Variants in FAF1 observed in about 807,000 individuals in gnomAD.
The protein encoded by FAF1 is Fas associated factor 1, also known as FAS-associated factor 1.
FAF1 carries 25 observed loss-of-function variants against 92.5 expected under a neutral mutation model. The observed-to-expected ratio is 0.27, with a 90% CI of 0.20 to 0.38. FAF1 has a LOEUF of 0.38. Ranked by LOEUF, FAF1 falls within the 10% of genes least tolerant of loss-of-function variation. The pLI is 1.00. For synonymous variants in FAF1, 234 were observed against 273.2 expected (o/e 0.86, Z 1.42); for missense variants, 636 against 793.3 (o/e 0.80, Z 2.38).
At chr1:50,928,878 G>A (rs1645027094) in intron 1 of FAF1, among the ~76,000 whole-genome samples, 1 of 151,498 alleles carries the variant, frequency 6.6e-6, no homozygotes, top group South Asian at 2.1e-4. Context: ...GAGCTCAGGG[G>A]ATCGAGACCA....
chr1:50,636,829 T>C (rs1433738530), intron 8 of FAF1, among the ~76,000 whole-genome samples: 3 of 152,186 alleles, frequency 2.0e-5, no homozygotes, highest in Admixed American at 6.5e-5. Flanking sequence ...GTTGTAGCTT[T>C]TGCATTTAAG....
chr1:50,842,275 TAAGGGAGGTAGGTAGATACCAAGAAA>T (rs1034623419), intron 2 of FAF1, among the ~76,000 whole-genome samples: 11 of 152,162 alleles, frequency 7.2e-5, no homozygotes, highest in African/African-American at 2.6e-4. Context: ...CCAAATGGTG[TAAGGGAGGTAGGTAGATACCAAGAAA>T]AAGAGTCAAG....
At chr1:50,679,451 A>G (rs1656328235) in intron 7 of FAF1, among the ~76,000 whole-genome samples, 1 of 152,052 alleles carries the variant, frequency 6.6e-6, no homozygotes, top group South Asian at 2.1e-4. Context: ...CAGATGAAAA[A>G]AAAAAAAAAG....
chr1:50,539,546 A>G (rs767439293), intron 14 of FAF1, 46 bp downstream of exon 14: 115 of 1,451,682 alleles, frequency 7.9e-5, no homozygotes, highest in Non-Finnish European at 1.0e-4. Flanking sequence ...CTATAAAGTT[A>G]TCACATACCA....
At chr1:50,675,081 G>C (rs1656061282) in intron 7 of FAF1, among the ~76,000 whole-genome samples, 1 of 152,138 alleles carries the variant, frequency 6.6e-6, no homozygotes, top group African/African-American at 2.4e-5. Flanking sequence ...AGTAGAGACA[G>C]GGTTTCGCCA....
chr1:50,445,231 C>T (rs905755762), intron 18 of FAF1, among the ~76,000 whole-genome samples: 3 of 152,098 alleles, frequency 2.0e-5, no homozygotes, highest in East Asian at 1.9e-4. Context: ...ATCCCTCATC[C>T]CCTGCAACCT....
At chr1:50,900,654 T>C (rs953722919) in intron 1 of FAF1, among the ~76,000 whole-genome samples, 1 of 152,176 alleles carries the variant, frequency 6.6e-6, no homozygotes, top group Non-Finnish European at 1.5e-5. Flanking sequence ...TGAGATAAAT[T>C]AAGCAACAAG....
intron 8 of FAF1, among the ~76,000 whole-genome samples, chr1:50,622,514 T>C (rs1033943723): frequency 6.6e-6 from 1 of 152,240 alleles, no homozygotes. Context: ...TTTAGTTAGC[T>C]ATCTCATCCA....
At chr1:50,572,872 T>A (rs1650510949) in intron 12 of FAF1, among the ~76,000 whole-genome samples, 1 of 152,138 alleles carries the variant, frequency 6.6e-6, no homozygotes, top group Non-Finnish European at 1.5e-5. Context: ...AAAAAAAAAT[T>A]GTTTTTAATA....
At chr1:50,713,075 T>C (rs145572120) in intron 6 of FAF1, among the ~76,000 whole-genome samples, 3,020 of 147,300 alleles carry the variant, frequency 0.021, 47 homozygotes, top group Non-Finnish European at 0.032. Flanking sequence ...TGGGAGGACC[T>C]CTTGAGGATA....
intron 15 of FAF1, among the ~76,000 whole-genome samples, chr1:50,493,269 G>A (rs1385780234): frequency 6.6e-6 from 1 of 152,096 alleles, no homozygotes; most frequent in Non-Finnish European, 1.5e-5. Flanking sequence ...CTGACCTCAA[G>A]TGATCTGCCT....
chr1:50,917,922 A>T (rs1185488159), intron 1 of FAF1, among the ~76,000 whole-genome samples: 1 of 152,170 alleles, frequency 6.6e-6, no homozygotes, highest in Non-Finnish European at 1.5e-5. Context: ...ATGCTGTATG[A>T]CTTCATTTAC....
At chr1:50,601,116 A>T (rs1652105304) in intron 8 of FAF1, among the ~76,000 whole-genome samples, 1 of 117,504 alleles carries the variant, frequency 8.5e-6, no homozygotes, top group South Asian at 2.4e-4. Context: ...AAGACAAAAA[A>T]GCTCTTTCAA....
chr1:50,729,016 A>ATCT (rs1322201938), intron 6 of FAF1, among the ~76,000 whole-genome samples: 1 of 73,806 alleles, frequency 1.4e-5, no homozygotes, highest in Non-Finnish European at 2.7e-5. Context: ...CTATCTATCT[A>ATCT]TCTATCTATC....
At chr1:50,873,715 A>T (rs1644547142) in intron 1 of FAF1, among the ~76,000 whole-genome samples, 1 of 152,184 alleles carries the variant, frequency 6.6e-6, no homozygotes, top group Non-Finnish European at 1.5e-5. Flanking sequence ...AGTGGGTGTA[A>T]ATTATTAACC....
chr1:50,546,490 T>C (rs1450946326), intron 13 of FAF1, among the ~76,000 whole-genome samples: 2 of 152,006 alleles, frequency 1.3e-5, no homozygotes, highest in East Asian at 3.9e-4. Flanking sequence ...CTCAGCTACC[T>C]GAGTAGCTGG....
At chr1:50,590,704 G>A (rs114309116) in intron 9 of FAF1, among the ~76,000 whole-genome samples, 2,469 of 151,386 alleles carry the variant, frequency 0.016, 74 homozygotes, top group African/African-American at 0.055. Flanking sequence ...ATTCTTGGCC[G>A]GGCGCCGTGG....
intron 7 of FAF1, among the ~76,000 whole-genome samples, chr1:50,700,004 A>C (rs1569792767): frequency 6.6e-6 from 1 of 152,132 alleles, no homozygotes; most frequent in Admixed American, 6.6e-5. Context: ...TCTTGCGCCT[A>C]TATTCATGGT....
intron 6 of FAF1, among the ~76,000 whole-genome samples, chr1:50,726,645 C>T (rs1658669872): frequency 6.6e-6 from 1 of 152,204 alleles, no homozygotes; most frequent in Non-Finnish European, 1.5e-5. Context: ...CTGGCTAACA[C>T]AGTGAAACCC....
Sources: gnomAD v4.1 joint callset for allele counts (sites outside exome capture counted in the v4.1 genomes callset) on GRCh38, gnomAD v4.1.1 for gene constraint, MANE v1.5 for transcripts, NCBI Gene and HGNC (gene_info 2026-07-23, HGNC 2026-07-21) for gene names.